The following ASPA variants were observed in gnomAD, a reference collection of about 807,000 sequenced individuals.
ASPA encodes ACY-2.
Under a neutral mutation model 29.6 loss-of-function variants are expected in ASPA, and 25 were observed. The ratio of observed to expected loss-of-function variants is 0.85; its 90% CI spans 0.62 to 1.18. The LOEUF (loss-of-function observed/expected upper bound fraction) is 1.18. Ranked by LOEUF, ASPA falls within the 50% of genes most tolerant of loss-of-function variation. ASPA has a pLI of 0.00. For synonymous variants in ASPA, 131 were observed against 130.3 expected (o/e 1.01, Z -0.04); for missense variants, 333 against 385.7 (o/e 0.86, Z 1.14).
rs1394471806 is a variant in ASPA, at chr17:3,500,541, C to A, written c.*1453C>A. The stretch of plus-strand genomic sequence containing the variant: ...TTTTTGAGACGGAGTCTTGCTCTGT[C>A]GTCCAGGCTGGAGTGCAGTGGCGCA... On this transcript the variant is annotated 3_prime_UTR_variant, in exon 6 of 6. Transcript: ENST00000263080. 1.4e-5 allele frequency: 2 copies of A among 142,586 alleles called. No homozygotes were observed. Among genetic ancestry groups the A allele is most frequent in the African/African-American group, 2.6e-5 (1 of 39,026 alleles). The allele number at this position is 142,586 out of a possible 1,614,324, so 8.8% of individuals were successfully genotyped here.
chr17:3,491,668 A>C (rs1448390144), intron 4 of ASPA, among the ~76,000 whole-genome samples: 7 of 152,016 alleles, frequency 4.6e-5, no homozygotes, highest in Non-Finnish European at 1.0e-4. Context: ...GAATCGCTTG[A>C]ACCAAGGAGG....
chr17:3,481,804 G>C lies in ASPA; in HGVS notation c.432+6G>C, dbSNP rs1327739547. 1 of 1,582,752 alleles carries C rather than the reference G, an allele frequency of 6.3e-7. No homozygotes were observed. The highest frequency in any genetic ancestry group is 8.6e-7 in the Non-Finnish European group (1 of 1,157,550). ...AGATGTTTCATTACATTAAGGTAAT[G>C]TTAATGTTATTAATTTATAAGTTAG... is the stretch of plus-strand genomic sequence containing the variant. On this transcript the variant is annotated splice_donor_region_variant and intron_variant, in intron 2 of 5. Coordinates refer to ENST00000263080, the MANE Select transcript of ASPA (RefSeq NM_000049.4).
rs1449413054 is a variant in ASPA, at chr17:3,485,046, G to T, written c.526+1454G>T. 2.0e-5 allele frequency among the ~76,000 whole-genome samples: 3 copies of T among 151,898 alleles called. No individual in the cohort carries two copies. Among genetic ancestry groups the T allele is most frequent in the East Asian group, 3.8e-4 (2 of 5,204 alleles). ...TGTTTTGTTTTTTTTCTGGAAAAGG[G>T]TCTCACTCTGTTGCCCAGGCTGAGT... On this transcript the variant is annotated intron_variant, in intron 3 of 5. Coordinates refer to ENST00000263080, the MANE Select transcript of ASPA (RefSeq NM_000049.4). This position sits in a 1 kb window ranked among gnomAD's most constrained non-coding sequence, Gnocchi z 4.4.
chr17:3,495,322 T>C (rs944289082), intron 5 of ASPA, among the ~76,000 whole-genome samples: 1 of 152,122 alleles, frequency 6.6e-6, no homozygotes, highest in African/African-American at 2.4e-5. Flanking sequence ...ATAATAGCAA[T>C]GGCAGGACTC....
chr17:3,494,219 T>C (rs1597445439), intron 4 of ASPA, 131 bp from the exon 5 acceptor site: 5 of 685,922 alleles, frequency 7.3e-6, no homozygotes, highest in Non-Finnish European at 1.4e-5. Flanking sequence ...GGCCAGGCTG[T>C]TCTCGAACTC....
In ASPA at chr17:3,483,552, C is replaced by T; in HGVS notation, c.486C>T (p.Leu162=). The T allele has an allele frequency of 5.0e-6, 8 of 1,614,170 alleles. No homozygotes were observed. The highest frequency in any genetic ancestry group is 6.8e-6 in the Non-Finnish European group (8 of 1,180,020). ...TTTATCTGATTGAGCATCCTTCCCT[C>T]AAATATGCGACCACTCGTTCCATAG... ...CYVYLIEHPS[L]KYATTRSIAK... is the part of the protein sequence containing the mutation. Residue 162 remains leucine, a synonymous_variant, in exon 3 of 6, where the codon CTC becomes CTT. Coordinates refer to ENST00000263080, the MANE Select transcript of ASPA (RefSeq NM_000049.4).
Position 3,481,641 on chromosome 17 carries a change from G to A in ASPA, c.275G>A (p.Arg92Lys). ...MSEDLPYEVR[R>K]AQEINHLFGP... The stretch of plus-strand genomic sequence containing the variant: ...GAAGATTTGCCATATGAAGTGAGAA[G>A]GGCTCAAGAAATAAATCATTTATTT... Residue 92 changes from arginine to lysine, a missense_variant, in exon 2 of 6, where the codon AGG becomes AAG. Coordinates refer to ENST00000263080, the MANE Select transcript of ASPA (RefSeq NM_000049.4). 1.9e-6 allele frequency: 3 copies of A among 1,613,730 alleles called. No homozygotes were observed. Among genetic ancestry groups the A allele is most frequent in the African/African-American group, 1.3e-5 (1 of 74,992 alleles).
intron 3 of ASPA, among the ~76,000 whole-genome samples, chr17:3,484,182 C>T (rs1162706325): frequency 3.3e-5 from 5 of 152,120 alleles, no homozygotes; most frequent in Non-Finnish European, 5.9e-5. Flanking sequence ...GTTCACCTGT[C>T]ACCTCCTATA....
chr17:3,502,341 A>C lies in ASPA; in HGVS notation c.*3253A>C, dbSNP rs2150767222. ...GAAAATCAAAAAATATGTGTGGCTC[A>C]TCTGTTATAATGTTTGTTTTATTGT... On this transcript the variant is annotated 3_prime_UTR_variant, in exon 6 of 6. Coordinates refer to ENST00000263080, the MANE Select transcript of ASPA (RefSeq NM_000049.4). 6.6e-6 allele frequency: 1 copy of C among 152,372 alleles called. No homozygotes were observed. Among genetic ancestry groups the C allele is most frequent in the Middle Eastern group, 3.4e-3 (1 of 294 alleles). 9.4% of individuals were successfully genotyped at this position (152,372 alleles called of 1,614,324 possible). A position where few individuals can be genotyped will look rare whatever the true frequency, so the allele number is the denominator to read the frequency against.
chr17:3,475,496 T>G (rs1486298650), upstream of ASPA: 3 of 152,392 alleles, frequency 2.0e-5, no homozygotes, highest in African/African-American at 7.2e-5. Flanking sequence ...AAGGGATGTT[T>G]CAGGGTAGCT....
Position 3,488,436 on chromosome 17 carries a change from T to G in ASPA, c.527-799T>G, listed in dbSNP as rs140034609. Among the ~76,000 whole-genome samples, 100 of 152,224 alleles carry G rather than the reference T, an allele frequency of 6.6e-4. No individual in the cohort carries two copies. Among genetic ancestry groups the G allele is most frequent in the African/African-American group, 2.2e-3 (91 of 41,544 alleles). On this transcript the variant is annotated intron_variant, in intron 3 of 5. Transcript: ENST00000263080. This position sits in a 1 kb window ranked among gnomAD's most constrained non-coding sequence, Gnocchi z 6.1. ...TTTGGGGAAGCCGAGAAGGGCAGAT[T>G]ACCTGCGGTCAGGAGTTTGAGACCA...
intron 2 of ASPA, among the ~76,000 whole-genome samples, chr17:3,482,632 AG>A (rs1295768563): frequency 6.6e-6 from 1 of 152,180 alleles, no homozygotes; most frequent in African/African-American, 2.4e-5. Context: ...GGGTACTCAA[AG>A]CCTTAAATGA....
At chr17:3,483,658 A>AT in intron 3 of ASPA, 66 bp downstream of exon 3, 1 of 1,435,496 alleles carries the variant, frequency 7.0e-7, no homozygotes, top group Non-Finnish European at 9.8e-7. Context: ...AGAGAAATTT[A>AT]TTTTTTATCT....
In ASPA at chr17:3,498,897, G is replaced by A; in HGVS notation, c.751G>A (p.Asp251Asn). Residue 251 changes from aspartate to asparagine, a missense_variant, in exon 6 of 6, where the codon GAC becomes AAC. Transcript: ENST00000263080. ...AIIHPNLQDQ[D>N]WKPLHPGDPM... ...TTTGATTGTTTCCTGAGAGGATCAA[G>A]ACTGGAAACCACTGCATCCTGGGGA... 1 of 1,582,696 alleles carries A rather than the reference G, an allele frequency of 6.3e-7. No individual in the cohort carries two copies. The highest frequency in any genetic ancestry group is 8.6e-7 in the Non-Finnish European group (1 of 1,165,330).
intron 4 of ASPA, among the ~76,000 whole-genome samples, chr17:3,492,945 A>C (rs1231641665): frequency 6.6e-6 from 1 of 152,180 alleles, no homozygotes; most frequent in Non-Finnish European, 1.5e-5. Context: ...AAGCCACTAA[A>C]TTCTGGGGTA....
At chr17:3,477,161 A>G (rs111236152) in intron 1 of ASPA, among the ~76,000 whole-genome samples, 148 of 152,250 alleles carry the variant, frequency 9.7e-4, no homozygotes, top group African/African-American at 3.4e-3. Flanking sequence ...TCTCAAAAAA[A>G]TAAATAAATA....
intron 5 of ASPA, among the ~76,000 whole-genome samples, chr17:3,495,154 G>T (rs930270886): frequency 6.6e-6 from 1 of 152,158 alleles, no homozygotes; most frequent in Non-Finnish European, 1.5e-5. Flanking sequence ...AAAGGGAAAA[G>T]GAGAGAAGAA....
At chr17:3,477,507 G>A (rs1264086870) in intron 1 of ASPA, among the ~76,000 whole-genome samples, 3 of 152,056 alleles carry the variant, frequency 2.0e-5, no homozygotes, top group African/African-American at 7.2e-5. Flanking sequence ...AGTCTGGAGT[G>A]CAATGGTGCA....
chr17:3,478,622 T>C (rs1019185222), intron 1 of ASPA, among the ~76,000 whole-genome samples: 5 of 152,234 alleles, frequency 3.3e-5, no homozygotes, highest in Admixed American at 3.3e-4. Context: ...GAGCACCCAG[T>C]AGTATGCATT....
Sources: gnomAD v4.1 joint callset for allele counts (sites outside exome capture counted in the v4.1 genomes callset) on GRCh38, gnomAD v4.1.1 for gene constraint, Gnocchi (gnomAD v3.1) non-coding constraint, MANE v1.5 for transcripts, NCBI Gene and HGNC (gene_info 2026-07-23, HGNC 2026-07-21) for gene names.